Variants in PZP observed in about 807,000 individuals in gnomAD.
The protein encoded by PZP is PZP alpha-2-macroglobulin like.
A neutral mutation model predicts 179.8 loss-of-function variants in PZP; 150 were observed. That is an observed-to-expected ratio of 0.83 (90% CI 0.73 to 0.96). The LOEUF (loss-of-function observed/expected upper bound fraction) is 0.96, where lower values mean the gene tolerates loss of function less well. PZP is among the 40% of genes least tolerant of loss of function. The pLI is 0.00. For missense variants in PZP, 1,689 were observed against 1,764.0 expected (o/e 0.96, Z 0.76); for synonymous variants, 624 against 652.3 (o/e 0.96, Z 0.66).
At chr12:9,174,818 A>G (rs1942253195) in intron 15 of PZP, among the ~76,000 whole-genome samples, 1 of 152,214 alleles carries the variant, frequency 6.6e-6, no homozygotes, top group Non-Finnish European at 1.5e-5. Context: ...TAGAGGACAC[A>G]AACAAATGGA....
At chr12:9,181,226 C>G in intron 14 of PZP, 94 bp from the exon 15 acceptor site, 1 of 1,477,936 alleles carries the variant, frequency 6.8e-7, no homozygotes, top group South Asian at 1.2e-5. Flanking sequence ...ATATTCAGTT[C>G]ATATGACTAT....
chr12:9,188,860 G>A (rs552462852), intron 13 of PZP, among the ~76,000 whole-genome samples: 7 of 152,020 alleles, frequency 4.6e-5, no homozygotes, highest in African/African-American at 7.2e-5. Flanking sequence ...ATAAAACACC[G>A]CTCAAAGAAA....
Position 9,165,284 on chromosome 12 carries a change from T to A in PZP, c.2342A>T (p.Asp781Val). 1 of 1,614,156 alleles carries A rather than the reference T, an allele frequency of 6.2e-7. No homozygotes were observed. Among genetic ancestry groups the A allele is most frequent in the Non-Finnish European group, 8.5e-7 (1 of 1,180,000 alleles). ...WKAGAFCLSE[D>V]AGLGISSTAS... is the part of the protein sequence containing the mutation. ...AGTGGAAGAGATACCAAGTCCAGCA[T>A]CTTCGGACAGGCAGAAGGCCCCTGC... Residue 781 changes from aspartate (D) to valine (V), a missense_variant, in exon 19 of 36, where the codon GAT becomes GTT. Physicochemically the swap from Asp to Val is radical, Grantham distance 152. This residue lies in a region of PZP where 201 missense variants were observed against 284.2 expected (regional missense o/e 0.71). Coordinates refer to ENST00000261336, the MANE Select transcript of PZP (RefSeq NM_002864.3).
At chr12:9,151,795 T>G in intron 32 of PZP, 123 bp from the exon 33 acceptor site, 1 of 722,750 alleles carries the variant, frequency 1.4e-6, no homozygotes, top group Non-Finnish European at 2.3e-6. Flanking sequence ...GCTAATTGTT[T>G]TCAGGTCAGG....
chr12:9,191,804 C>CT (rs1352367735), intron 13 of PZP, among the ~76,000 whole-genome samples: 2 of 152,146 alleles, frequency 1.3e-5, no homozygotes, highest in African/African-American at 4.8e-5. Flanking sequence ...AAAAAAAAAT[C>CT]TATCACCTTT....
intron 22 of PZP, among the ~76,000 whole-genome samples, chr12:9,161,326 G>A (rs1661699760): frequency 6.6e-6 from 1 of 152,220 alleles, no homozygotes; most frequent in Non-Finnish European, 1.5e-5. Flanking sequence ...TTCAACGAAT[G>A]TGAGCAATTG....
intron 15 of PZP, among the ~76,000 whole-genome samples, chr12:9,172,773 C>T (rs1346100266): frequency 1.3e-5 from 2 of 151,078 alleles, no homozygotes; most frequent in African/African-American, 5.0e-5. Flanking sequence ...ACCAGAAGAG[C>T]TAACTATCCT....
intron 28 of PZP, among the ~76,000 whole-genome samples, chr12:9,155,423 C>T (rs988019704): frequency 2.0e-5 from 3 of 152,106 alleles, no homozygotes; most frequent in Non-Finnish European, 2.9e-5. Flanking sequence ...CTGCTATAAG[C>T]ATGTTCTTTC....
rs1248988972 is a variant in PZP, at chr12:9,170,707, GC to G, written c.1840-1117del. 1.3e-5 allele frequency among the ~76,000 whole-genome samples: 2 copies of G among 152,202 alleles called. No individual in the cohort carries two copies. The highest frequency in any genetic ancestry group is 4.8e-5 in the African/African-American group (2 of 41,460). On this transcript the variant is annotated intron_variant, in intron 15 of 35. Coordinates refer to ENST00000261336, the MANE Select transcript of PZP (RefSeq NM_002864.3). The surrounding 1 kb of genome is among the most constrained non-coding windows in gnomAD (Gnocchi z 4.6). ...TGGATGAGGAACGGTCCCCCACGAT[GC>G]AGCACAGCTGCCTTGCCAGATTGTG...
At chr12:9,203,443 G>A (rs902673766) in intron 2 of PZP, among the ~76,000 whole-genome samples, 16 of 147,878 alleles carry the variant, frequency 1.1e-4, no homozygotes, top group African/African-American at 4.0e-4. Flanking sequence ...CCGGGTTCAC[G>A]CCATTCTCCT....
chr12:9,198,170 A>G (rs1943944780), intron 7 of PZP, among the ~76,000 whole-genome samples: 1 of 151,214 alleles, frequency 6.6e-6, no homozygotes, highest in African/African-American at 2.4e-5. Context: ...GTAACATAGC[A>G]GGACCCAATC....
At chr12:9,154,539 T>A in intron 29 of PZP, 77 bp downstream of exon 29, 1 of 1,321,476 alleles carries the variant, frequency 7.6e-7, no homozygotes, top group Non-Finnish European at 1.1e-6. Flanking sequence ...CCTTCTCTTT[T>A]CCATTAACTG....
chr12:9,200,767 C>G (rs372148413), intron 6 of PZP, 125 bp downstream of exon 6: 2 of 1,028,670 alleles, frequency 1.9e-6, no homozygotes, highest in Admixed American at 4.8e-5. Flanking sequence ...TCCTAATGGT[C>G]TTAGAAGCAG....
intron 30 of PZP, 73 bp downstream of exon 30, chr12:9,153,052 G>A (rs73054032): frequency 9.0e-4 from 1,443 of 1,604,856 alleles, no homozygotes; most frequent in Non-Finnish European, 1.1e-3. Context: ...TTCCCAGGAA[G>A]GAAGGAACAG....
At chr12:9,193,306 G>A (rs562328560) in intron 11 of PZP, among the ~76,000 whole-genome samples, 261 of 152,086 alleles carry the variant, frequency 1.7e-3, no homozygotes, top group Non-Finnish European at 3.1e-3. Flanking sequence ...TTTCTTCAAA[G>A]TGCACTTATT....
At position 9,149,559 on chromosome 12, in the gene PZP, AC is replaced by A; in HGVS notation, c.4426+1del. ...TACTGGTCATAAGTGGTGAACTCTTACCTGTGCTGCAGGGGGCGATATACTC... is the reference window on the plus strand; with the variant it reads ...TACTGGTCATAAGTGGTGAACTCTTACTGTGCTGCAGGGGGCGATATACTC... On this transcript the variant is annotated splice_donor_variant, in intron 35 of 35. Coordinates refer to ENST00000261336, the MANE Select transcript of PZP (RefSeq NM_002864.3). LOFTEE classifies it high-confidence loss of function. 4.3e-6 allele frequency: 7 copies of A among 1,612,488 alleles called. No homozygotes were observed. Among genetic ancestry groups the A allele is most frequent in the Non-Finnish European group, 5.9e-6 (7 of 1,179,050 alleles).
chr12:9,203,620 C>T (rs534364919), intron 2 of PZP, 148 bp downstream of exon 2: 4 of 860,740 alleles, frequency 4.6e-6, no homozygotes, highest in Non-Finnish European at 7.0e-6. Context: ...GGATTACAGG[C>T]GTGAGCCACC....
At chr12:9,173,382 A>G (rs1942133222) in intron 15 of PZP, among the ~76,000 whole-genome samples, 1 of 152,226 alleles carries the variant, frequency 6.6e-6, no homozygotes, top group Non-Finnish European at 1.5e-5. Context: ...GAAAGATATC[A>G]AATCAACAAC....
At chr12:9,203,174 T>C (rs1944262485) in intron 2 of PZP, among the ~76,000 whole-genome samples, 1 of 152,128 alleles carries the variant, frequency 6.6e-6, no homozygotes, top group Non-Finnish European at 1.5e-5. Context: ...CAATCAAAAC[T>C]AGAAAACTCC....
Sources: gnomAD v4.1 joint callset for allele counts (sites outside exome capture counted in the v4.1 genomes callset) on GRCh38, gnomAD v4.1.1 for gene constraint, gnomAD v4.1.1 regional missense constraint, Gnocchi (gnomAD v3.1) non-coding constraint, MANE v1.5 for transcripts, NCBI Gene and HGNC (gene_info 2026-07-23, HGNC 2026-07-21) for gene names.